The following VAT1L variants were observed in gnomAD, a reference collection of about 807,000 sequenced individuals.
VAT1L encodes the protein vesicle amine transport 1 like.
In VAT1L, 34 loss-of-function variants were observed where a neutral mutation model predicts 44.1. That is an observed-to-expected ratio of 0.77 (90% CI 0.59 to 1.03). The LOEUF (loss-of-function observed/expected upper bound fraction) is 1.03, where lower values mean the gene tolerates loss of function less well. VAT1L is among the 50% of genes least tolerant of loss of function. The pLI, the probability that VAT1L is intolerant of heterozygous loss-of-function variation, is 0.00. For missense variants in VAT1L, 615 were observed against 538.8 expected (o/e 1.14, Z -1.40); for synonymous variants, 253 against 202.2 (o/e 1.25, Z -2.13).
chr16:77,793,907 G>C (rs756387830), intron 1 of VAT1L, among the ~76,000 whole-genome samples: 4 of 152,210 alleles, frequency 2.6e-5, no homozygotes, highest in Admixed American at 6.5e-5. Context: ...CAGGAACTGA[G>C]TTGGCTGCAA....
At chr16:77,831,470 C>T (rs2016577164) in intron 3 of VAT1L, among the ~76,000 whole-genome samples, 1 of 152,076 alleles carries the variant, frequency 6.6e-6, no homozygotes, top group African/African-American at 2.4e-5. Context: ...TGTCATACTC[C>T]CTGAGATGAT....
intron 1 of VAT1L, among the ~76,000 whole-genome samples, chr16:77,790,002 G>A (rs2015803800): frequency 6.6e-6 from 1 of 152,258 alleles, no homozygotes; most frequent in East Asian, 1.9e-4. Flanking sequence ...CTGTTTTCTA[G>A]AGCCCCCCAG....
intron 4 of VAT1L, among the ~76,000 whole-genome samples, chr16:77,869,271 G>C (rs2017006376): frequency 6.6e-6 from 1 of 152,198 alleles, no homozygotes; most frequent in Admixed American, 6.5e-5. Flanking sequence ...ATGAGGAATG[G>C]AGCTGTAATG....
chr16:77,955,661 G>A (rs762693663), intron 7 of VAT1L, among the ~76,000 whole-genome samples: 3 of 151,244 alleles, frequency 2.0e-5, no homozygotes, highest in African/African-American at 4.9e-5. Context: ...GGAAGTGGAG[G>A]TTGCAGTGAG....
At chr16:77,926,778 G>T (rs1459725524) in intron 7 of VAT1L, among the ~76,000 whole-genome samples, 3 of 152,116 alleles carry the variant, frequency 2.0e-5, no homozygotes, top group African/African-American at 7.2e-5. Flanking sequence ...CTGAGCCTTT[G>T]TTTCCAGCAC....
intron 1 of VAT1L, among the ~76,000 whole-genome samples, chr16:77,797,406 C>T (rs1272557737): frequency 6.6e-6 from 1 of 152,178 alleles, no homozygotes; most frequent in Non-Finnish European, 1.5e-5. Context: ...CCACCGCGCC[C>T]AGCAATTTTT....
At chr16:77,928,496 T>C (rs1380122197) in intron 7 of VAT1L, among the ~76,000 whole-genome samples, 3 of 152,172 alleles carry the variant, frequency 2.0e-5, no homozygotes, top group Non-Finnish European at 4.4e-5. Context: ...GAGACAAAAG[T>C]CATAGCTGAA....
rs561716671 is a variant in VAT1L, at chr16:77,898,845, C to T, written c.1077+14043C>T. On this transcript the variant is annotated intron_variant, in intron 7 of 8. Coordinates refer to ENST00000302536, the MANE Select transcript of VAT1L (RefSeq NM_020927.3). The stretch of plus-strand genomic sequence containing the variant: ...TGGGAGCTGCTTTATGGAACAGAAG[C>T]TCTGAACAGCACAAATGATAAACAC... Among the ~76,000 whole-genome samples the T allele has an allele frequency of 1.8e-4, 27 of 152,324 alleles. No individual in the cohort carries two copies. In the South Asian group the frequency reaches 5.2e-3, roughly 29 times the overall value.
chr16:77,954,871 T>G (rs1255581823), intron 7 of VAT1L, among the ~76,000 whole-genome samples: 2 of 152,222 alleles, frequency 1.3e-5, no homozygotes, highest in Non-Finnish European at 2.9e-5. Flanking sequence ...GTGAGGCCAA[T>G]ACATCACTTT....
rs1410505656 is a variant in VAT1L at position 77,945,812 on chromosome 16, C to CT, written c.1078-26030dup. ...AGTGGCTTGACTTTTTTTTTTTTTT[C>CT]TTTTTTTTGAGACAAAGTCTCGCTC... On this transcript the variant is annotated intron_variant, in intron 7 of 8. Coordinates refer to ENST00000302536, the MANE Select transcript of VAT1L (RefSeq NM_020927.3). Among the ~76,000 whole-genome samples the CT allele has an allele frequency of 6.0e-5, 6 of 99,600 alleles. No individual in the cohort carries two copies. The East Asian group carries it at 1.4e-3, about 23-fold the overall frequency. 65.3% of individuals were successfully genotyped at this position (99,600 alleles called of 152,430 possible).
intron 1 of VAT1L, among the ~76,000 whole-genome samples, chr16:77,810,804 C>G (rs2016251457): frequency 6.6e-6 from 1 of 152,134 alleles, no homozygotes; most frequent in African/African-American, 2.4e-5. Flanking sequence ...AAAGCCAATC[C>G]TTGTGCTGAG....
intron 7 of VAT1L, among the ~76,000 whole-genome samples, chr16:77,948,397 T>A (rs2017997105): frequency 6.6e-6 from 1 of 152,200 alleles, no homozygotes; most frequent in Admixed American, 6.5e-5. Context: ...TCCAAACCCC[T>A]CATTTGCAAC....
At chr16:77,873,792 C>G (rs76141230) in intron 4 of VAT1L, among the ~76,000 whole-genome samples, 1,539 of 152,200 alleles carry the variant, frequency 0.01, 36 homozygotes, top group African/African-American at 0.036. Context: ...TGAGAAGGAG[C>G]CAGCTCTAAG....
At chr16:77,888,094 T>C (rs2017226973) in intron 7 of VAT1L, among the ~76,000 whole-genome samples, 1 of 152,214 alleles carries the variant, frequency 6.6e-6, no homozygotes, top group Non-Finnish European at 1.5e-5. Context: ...GTCTGCTTCC[T>C]TCAGGTCTCA....
intron 4 of VAT1L, among the ~76,000 whole-genome samples, chr16:77,864,367 C>A (rs1017589447): frequency 2.4e-4 from 37 of 152,278 alleles, no homozygotes; most frequent in African/African-American, 8.7e-4. Context: ...CCAAGGAGGG[C>A]AGATCACTTG....
At chr16:77,804,870 G>C (rs1237639781) in intron 1 of VAT1L, among the ~76,000 whole-genome samples, 1 of 152,172 alleles carries the variant, frequency 6.6e-6, no homozygotes, top group Non-Finnish European at 1.5e-5. Context: ...ATATGTTATG[G>C]ACAAAGGGAT....
At chr16:77,830,903 C>G (rs185564169) in intron 3 of VAT1L, among the ~76,000 whole-genome samples, 1 of 152,174 alleles carries the variant, frequency 6.6e-6, no homozygotes, top group Non-Finnish European at 1.5e-5. Context: ...AGGCTGTTCT[C>G]GAACTCCTGA....
At position 77,971,871 on chromosome 16, in the gene VAT1L, A is replaced by G; in HGVS notation, c.1099A>G (p.Ile367Val). ...LEEVKEAMQR[I>V]HDRGNIGKLI... is the part of the protein sequence containing the mutation. ...GCAGGTGAAGGAGGCCATGCAGCGG[A>G]TTCACGACCGAGGGAACATTGGCAA... Residue 367 changes from isoleucine to valine, a missense_variant, in exon 8 of 9, where the codon ATT becomes GTT. Physicochemically the swap from Ile to Val is conservative, Grantham distance 29 (BLOSUM62 3). Coordinates refer to ENST00000302536, the MANE Select transcript of VAT1L (RefSeq NM_020927.3). 1.2e-6 allele frequency: 2 copies of G among 1,613,890 alleles called. No individual in the cohort carries two copies. Among genetic ancestry groups the G allele is most frequent in the Non-Finnish European group, 1.7e-6 (2 of 1,179,882 alleles).
Position 77,788,601 on chromosome 16 carries a change from C to T in VAT1L, c.-82C>T. 1 of 1,477,956 alleles carries T rather than the reference C, an allele frequency of 6.8e-7. No homozygotes were observed. Among genetic ancestry groups the T allele is most frequent in the Non-Finnish European group, 9.1e-7 (1 of 1,093,214 alleles). 91.6% of individuals were successfully genotyped at this position (1,477,956 alleles called of 1,614,324 possible). A position where few individuals can be genotyped will look rare whatever the true frequency, so the allele number is the denominator to read the frequency against. ...AGCATCCCACATTCAACAGGAGGAA[C>T]CCGCGGGAGAGGAGCCCCACTCCCC... On this transcript the variant is annotated 5_prime_UTR_variant, in exon 1 of 9. Coordinates refer to ENST00000302536, the MANE Select transcript of VAT1L (RefSeq NM_020927.3).
Sources: allele counts gnomAD v4.1 joint callset (sites outside exome capture counted in the v4.1 genomes callset), GRCh38; gene constraint gnomAD v4.1.1; transcripts MANE v1.5; gene names NCBI Gene and HGNC (gene_info 2026-07-23, HGNC 2026-07-21).